Variants in THSD7A observed in about 807,000 individuals in gnomAD.
THSD7A encodes thrombospondin type-1 domain-containing protein 7A.
Under a neutral mutation model 231.3 loss-of-function variants are expected in THSD7A, and 96 were observed. That is an observed-to-expected ratio of 0.41 (90% CI 0.35 to 0.49). The LOEUF (loss-of-function observed/expected upper bound fraction) is 0.49. THSD7A is among the 20% of genes least tolerant of loss of function. The pLI is 0.05. For synonymous variants in THSD7A, 940 were observed against 743.3 expected, an observed-to-expected ratio of 1.26 and a Z score of -4.30; for missense variants, 2,290 against 2,070.2, an observed-to-expected ratio of 1.11 and a Z score of -2.06.
chr7:11,709,396 G>T (rs1780877636), intron 1 of THSD7A, among the ~76,000 whole-genome samples: 1 of 150,730 alleles, frequency 6.6e-6, no homozygotes, highest in African/African-American at 2.4e-5. Context: ...ACCACTGAGT[G>T]TCAGGGCTGC....
intron 1 of THSD7A, among the ~76,000 whole-genome samples, chr7:11,648,387 A>C (rs1486799362): frequency 6.6e-6 from 1 of 151,968 alleles, no homozygotes; most frequent in Non-Finnish European, 1.5e-5. Context: ...CTCTCTGTAA[A>C]AGAAGTAGGT....
chr7:11,552,970 C>G (rs568938840), intron 4 of THSD7A, among the ~76,000 whole-genome samples: 11 of 152,212 alleles, frequency 7.2e-5, no homozygotes, highest in Admixed American at 2.0e-4. Flanking sequence ...ACACCCTTCT[C>G]TCTCTCTAGA....
At chr7:11,698,410 C>T (rs1780467899) in intron 1 of THSD7A, among the ~76,000 whole-genome samples, 1 of 151,294 alleles carries the variant, frequency 6.6e-6, no homozygotes, top group African/African-American at 2.4e-5. Flanking sequence ...TTATTCACTG[C>T]TGCAAGGAGA....
At chr7:11,593,852 A>G (rs1260765393) in intron 2 of THSD7A, among the ~76,000 whole-genome samples, 1 of 152,240 alleles carries the variant, frequency 6.6e-6, no homozygotes, top group East Asian at 1.9e-4. Flanking sequence ...AACATATGCT[A>G]ATTTCCATTC....
At chr7:11,617,623 T>G (rs1465388473) in intron 2 of THSD7A, among the ~76,000 whole-genome samples, 1 of 152,244 alleles carries the variant, frequency 6.6e-6, no homozygotes, top group Non-Finnish European at 1.5e-5. Flanking sequence ...AGCATTCTAC[T>G]TACACAGGTT....
chr7:11,385,114 TAAAA>T (rs57890445), intron 23 of THSD7A: 2 of 138,646 alleles, frequency 1.4e-5, no homozygotes, highest in Non-Finnish European at 1.6e-5. Flanking sequence ...TTTTGCTGGT[TAAAA>T]AAAAAAAAAA....
chr7:11,687,423 G>GAC (rs141896978), intron 1 of THSD7A, among the ~76,000 whole-genome samples: 1,942 of 151,538 alleles, frequency 0.013, 47 homozygotes, highest in African/African-American at 0.044. Context: ...AAATGAAACT[G>GAC]ACACACACAC....
intron 16 of THSD7A, among the ~76,000 whole-genome samples, chr7:11,419,179 A>G (rs1040437683): frequency 5.3e-5 from 8 of 152,322 alleles, no homozygotes; most frequent in African/African-American, 1.9e-4. Flanking sequence ...AGTTATGTCC[A>G]TAAATCTTTA....
chr7:11,639,553 A>G (rs1781999182), intron 1 of THSD7A, among the ~76,000 whole-genome samples: 1 of 152,124 alleles, frequency 6.6e-6, no homozygotes, highest in Non-Finnish European at 1.5e-5. Flanking sequence ...CTGTAGTCCT[A>G]GCTACTCGGG....
At chr7:11,830,975 G>A (rs899034025) in intron 1 of THSD7A, among the ~76,000 whole-genome samples, 1 of 152,138 alleles carries the variant, frequency 6.6e-6, no homozygotes, top group African/African-American at 2.4e-5. Context: ...AATGCAGAGA[G>A]AAAGCGAACC....
At chr7:11,656,590 A>G (rs964011017) in intron 1 of THSD7A, among the ~76,000 whole-genome samples, 10 of 151,928 alleles carry the variant, frequency 6.6e-5, no homozygotes, top group Non-Finnish European at 1.5e-4. Flanking sequence ...GTGTTTTTAA[A>G]AACCAGGCTT....
chr7:11,541,094 C>T (rs1216442390), intron 6 of THSD7A, among the ~76,000 whole-genome samples: 1 of 152,272 alleles, frequency 6.6e-6, no homozygotes, highest in African/African-American at 2.4e-5. Context: ...AAAAAAGTCA[C>T]TTAAAAAAGT....
At chr7:11,548,788 T>C (rs2128325312) in intron 4 of THSD7A, among the ~76,000 whole-genome samples, 1 of 152,176 alleles carries the variant, frequency 6.6e-6, no homozygotes, top group Non-Finnish European at 1.5e-5. Context: ...GAAAAGTCTT[T>C]TGACTCAGCA....
intron 6 of THSD7A, among the ~76,000 whole-genome samples, chr7:11,521,247 G>A (rs571838166): frequency 1.3e-5 from 2 of 152,110 alleles, no homozygotes; most frequent in South Asian, 2.1e-4. Flanking sequence ...ACTTCCTTCT[G>A]ATTACAAAAT....
chr7:11,818,657 C>T (rs1264995901), intron 1 of THSD7A, among the ~76,000 whole-genome samples: 4 of 152,166 alleles, frequency 2.6e-5, no homozygotes, highest in Non-Finnish European at 4.4e-5. Flanking sequence ...AGATATGCAG[C>T]TACATGATTT....
rs979944323 is a variant in THSD7A, at chr7:11,377,312, T to C, written c.4802-655A>G. 2.6e-5 allele frequency among the ~76,000 whole-genome samples: 4 copies of C among 152,048 alleles called. No individual in the cohort carries two copies. The East Asian group carries it at 5.8e-4, about 22-fold the overall frequency. ...ATGGAATCAGACATAACAGGAACTT[T>C]TGTAATTTGGGTTTCTGGTCTCATC... On this transcript the variant is annotated intron_variant, in intron 26 of 27. Coordinates refer to ENST00000423059, the MANE Select transcript of THSD7A (RefSeq NM_015204.3). This position sits in a 1 kb window ranked among gnomAD's most constrained non-coding sequence, Gnocchi z 4.5.
At chr7:11,431,109 A>C (rs1160436075) in intron 13 of THSD7A, among the ~76,000 whole-genome samples, 1 of 152,174 alleles carries the variant, frequency 6.6e-6, no homozygotes, top group Non-Finnish European at 1.5e-5. Context: ...ACTCCACCAG[A>C]TATGCACGCA....
In THSD7A at chr7:11,469,440, C is replaced by G. The variant is rs915886183; in HGVS notation, c.2368+439G>C. ...AGAGAAACAATTTGGCCATTTTTCT[C>G]TTTCTTTTATTCCTATTCTTGGGGC... is the stretch of plus-strand genomic sequence containing the variant. On this transcript the variant is annotated intron_variant, in intron 9 of 27. Coordinates refer to ENST00000423059, the MANE Select transcript of THSD7A (RefSeq NM_015204.3). Among the ~76,000 whole-genome samples, 8 of 152,224 alleles carry G rather than the reference C, an allele frequency of 5.3e-5. No individual in the cohort carries two copies. The South Asian group carries it at 1.0e-3, about 20-fold the overall frequency.
chr7:11,587,937 A>G (rs567155233), intron 4 of THSD7A, among the ~76,000 whole-genome samples: 2 of 152,274 alleles, frequency 1.3e-5, no homozygotes, highest in East Asian at 3.9e-4. Flanking sequence ...CCTTGGTTAT[A>G]TGTGAAAACA....
Sources: allele counts gnomAD v4.1 joint callset (sites outside exome capture counted in the v4.1 genomes callset), GRCh38; gene constraint gnomAD v4.1.1; non-coding constraint Gnocchi (gnomAD v3.1); transcripts MANE v1.5; gene names NCBI Gene and HGNC (gene_info 2026-07-23, HGNC 2026-07-21).